Variants in DACH1 observed in about 807,000 individuals in gnomAD.
DACH1 encodes dachshund family transcription factor 1.
In DACH1, 12 loss-of-function variants were observed where a neutral mutation model predicts 54.2. The ratio of observed to expected loss-of-function variants is 0.22; its 90% CI spans 0.14 to 0.36. The LOEUF is 0.36. Ranked by LOEUF, DACH1 falls within the 10% of genes least tolerant of loss-of-function variation. The pLI, the probability that DACH1 is intolerant of heterozygous loss-of-function variation, is 1.00. For synonymous variants in DACH1, 386 were observed against 366.2 expected (o/e 1.05, Z -0.62); for missense variants, 805 against 929.8 (o/e 0.87, Z 1.75).
chr13:71,823,797 T>C (rs1888283377), intron 1 of DACH1, among the ~76,000 whole-genome samples: 2 of 152,134 alleles, frequency 1.3e-5, no homozygotes, highest in South Asian at 2.1e-4. Flanking sequence ...CATATGAAAG[T>C]ATTTCAAATC....
In DACH1 at chr13:71,779,197, GTATATATGTGTATA is replaced by G. The variant is rs1566494901; in HGVS notation, c.848+86711_848+86724del. Among the ~76,000 whole-genome samples the G allele has an allele frequency of 4.7e-3, 521 of 111,864 alleles. 18 individuals are homozygous for G. The highest frequency in any genetic ancestry group is 0.02 in the African/African-American group (492 of 24,384). The allele number at this position is 111,864 out of a possible 152,430, so 73.4% of individuals were successfully genotyped here. On this transcript the variant is annotated intron_variant, in intron 1 of 10. Coordinates refer to ENST00000613252, the MANE Select transcript of DACH1 (RefSeq NM_080759.6). ...TATATACACATATATACGTATATAC[GTATATATGTGTATA>G]TATATACGTATATACGTATATATAC...
Position 71,578,551 on chromosome 13 carries a change from G to A in DACH1, c.1127-5539C>T, listed in dbSNP as rs565322821. ...TTGCGGAAACAGTCCTTTCATGAAA[G>A]TTATTGTAATATAGTCTTTAGGTAT... On this transcript the variant is annotated intron_variant, in intron 3 of 10. Transcript: ENST00000613252. Among the ~76,000 whole-genome samples, 11 of 152,270 alleles carry A rather than the reference G, an allele frequency of 7.2e-5. No individual in the cohort carries two copies. The East Asian group carries it at 1.3e-3, about 19-fold the overall frequency.
At chr13:71,655,392 CAG>C (rs1228948393) in intron 2 of DACH1, among the ~76,000 whole-genome samples, 2 of 130,356 alleles carry the variant, frequency 1.5e-5, no homozygotes, top group Non-Finnish European at 3.3e-5. Context: ...TTTTTTGAAA[CAG>C]AGTTTTACTC....
intron 1 of DACH1, among the ~76,000 whole-genome samples, chr13:71,848,491 T>C (rs1024860660): frequency 2.6e-5 from 4 of 152,036 alleles, no homozygotes; most frequent in African/African-American, 9.7e-5. Context: ...TAAGCTCTTC[T>C]GGTAAGAGAG....
intron 6 of DACH1, among the ~76,000 whole-genome samples, chr13:71,520,098 C>G (rs979888757): frequency 1.3e-5 from 2 of 150,906 alleles, no homozygotes; most frequent in Admixed American, 1.3e-4. Context: ...GAGTATAAGG[C>G]AGCTTAGAGA....
At chr13:71,453,308 A>G (rs183568043) in intron 10 of DACH1, among the ~76,000 whole-genome samples, 1 of 152,342 alleles carries the variant, frequency 6.6e-6, no homozygotes, top group African/African-American at 2.4e-5. Flanking sequence ...ATGAATGGAC[A>G]TATTATCTAA....
chr13:71,726,184 G>T (rs1305260819), intron 1 of DACH1, among the ~76,000 whole-genome samples: 2 of 152,090 alleles, frequency 1.3e-5, no homozygotes, highest in African/African-American at 4.8e-5. Flanking sequence ...ATGCTACAGG[G>T]AGTTGAGGCG....
intron 1 of DACH1, among the ~76,000 whole-genome samples, chr13:71,795,514 A>G (rs9318031): frequency 0.23 from 34,700 of 152,086 alleles, 5,140 homozygotes; most frequent in Middle Eastern, 0.4. Flanking sequence ...CAGCATTCTC[A>G]TTTTACACTG....
chr13:71,463,193 G>A (rs1036503614), intron 10 of DACH1, among the ~76,000 whole-genome samples: 7 of 151,838 alleles, frequency 4.6e-5, no homozygotes, highest in African/African-American at 1.2e-4. Flanking sequence ...ATCGATATTA[G>A]TAAAATAAAA....
chr13:71,695,175 G>A (rs1734285338), intron 1 of DACH1, among the ~76,000 whole-genome samples: 1 of 152,128 alleles, frequency 6.6e-6, no homozygotes, highest in Admixed American at 6.5e-5. Flanking sequence ...GCTTGTTAGA[G>A]GATTTTCTAA....
rs547214320 is a variant in DACH1 at position 71,859,615 on chromosome 13, ACT to A, written c.848+6305_848+6306del. ...GCCTAAAACTAGCAACAATGGACACACTCTTAACAGATTCTCAGAAACCTCCT... is the reference window on the plus strand; with the variant it reads ...GCCTAAAACTAGCAACAATGGACACACTTAACAGATTCTCAGAAACCTCCT... On this transcript the variant is annotated intron_variant, in intron 1 of 10. Coordinates refer to ENST00000613252, the MANE Select transcript of DACH1 (RefSeq NM_080759.6). 2.2e-4 allele frequency among the ~76,000 whole-genome samples: 33 copies of A among 151,994 alleles called. No homozygotes were observed. In the South Asian group the frequency reaches 6.4e-3, roughly 30 times the overall value.
chr13:71,676,475 C>T (rs2138690185), intron 2 of DACH1, among the ~76,000 whole-genome samples: 1 of 152,274 alleles, frequency 6.6e-6, no homozygotes, highest in East Asian at 1.9e-4. Flanking sequence ...GCCTCGGCCC[C>T]CCAAATTTCT....
chr13:71,522,655 T>C (rs1028510856), intron 6 of DACH1, among the ~76,000 whole-genome samples: 2 of 152,040 alleles, frequency 1.3e-5, no homozygotes, highest in Non-Finnish European at 2.9e-5. Context: ...CATGGCACAA[T>C]ACCATTAATA....
chr13:71,507,129 A>G (rs4999466), intron 6 of DACH1, among the ~76,000 whole-genome samples: 116,374 of 151,480 alleles, frequency 0.77, 47,979 homozygotes, highest in South Asian at 0.92. Context: ...AACCTACAAA[A>G]TGGGAGAAAA....
rs140915224 is a variant in DACH1 at position 71,488,886 on chromosome 13, A to G, written c.1722+111T>C. ...TAAGTTGCTTGAAGAGTTTAATACCATGTTTCAGTCAGTCTAATGGGATTA... is the reference window on the plus strand; with the variant it reads ...TAAGTTGCTTGAAGAGTTTAATACCGTGTTTCAGTCAGTCTAATGGGATTA... On this transcript the variant is annotated intron_variant, in intron 7 of 10. Coordinates refer to ENST00000613252, the MANE Select transcript of DACH1 (RefSeq NM_080759.6). The G allele has an allele frequency of 1.9e-3, 1,882 of 1,006,350 alleles. 24 individuals are homozygous for G. In the African/African-American group the frequency reaches 0.026, roughly 14 times the overall value. 62.3% of individuals were successfully genotyped at this position (1,006,350 alleles called of 1,614,324 possible).
intron 1 of DACH1, among the ~76,000 whole-genome samples, chr13:71,857,219 T>C (rs887376270): frequency 1.3e-5 from 2 of 151,842 alleles, no homozygotes; most frequent in Non-Finnish European, 3.0e-5. Context: ...CTGTTTTTAA[T>C]CACTGTCCTA....
At chr13:71,590,857 GTC>G (rs1873650592) in intron 3 of DACH1, among the ~76,000 whole-genome samples, 1 of 136,746 alleles carries the variant, frequency 7.3e-6, no homozygotes. Flanking sequence ...TTCTCTCTCT[GTC>G]TCTGTCTCTC....
chr13:71,589,984 A>T (rs1178650798), intron 3 of DACH1, among the ~76,000 whole-genome samples: 2 of 152,078 alleles, frequency 1.3e-5, no homozygotes, highest in Admixed American at 1.3e-4. Flanking sequence ...GGGGCTGTAA[A>T]TATAGTCAGT....
intron 1 of DACH1, among the ~76,000 whole-genome samples, chr13:71,858,668 C>T (rs986764722): frequency 6.6e-6 from 1 of 151,698 alleles, no homozygotes. Context: ...CAACAGCTCT[C>T]CAGTCCCTGG....
Sources: gnomAD v4.1 joint callset for allele counts (sites outside exome capture counted in the v4.1 genomes callset) on GRCh38, gnomAD v4.1.1 for gene constraint, MANE v1.5 for transcripts, NCBI Gene and HGNC (gene_info 2026-07-23, HGNC 2026-07-21) for gene names.